The following CCSER1 variants were observed in gnomAD, a reference collection of about 807,000 sequenced individuals.
The protein encoded by CCSER1 is serine-rich coiled-coil domain-containing protein 1.
Under a neutral mutation model 82.0 loss-of-function variants are expected in CCSER1, and 41 were observed. The observed-to-expected ratio is 0.50, with a 90% CI of 0.39 to 0.65. The LOEUF is 0.65. CCSER1 is among the 30% of genes least tolerant of loss of function. CCSER1 has a pLI of 0.00. For synonymous variants in CCSER1, 414 were observed against 383.9 expected, an observed-to-expected ratio of 1.08 and a Z score of -0.92; for missense variants, 1,119 against 1,064.2, an observed-to-expected ratio of 1.05 and a Z score of -0.72.
At chr4:91,089,629 AATG>A (rs1489667355) in intron 10 of CCSER1, among the ~76,000 whole-genome samples, 19 of 152,332 alleles carry the variant, frequency 1.2e-4, no homozygotes, top group African/African-American at 4.3e-4. Context: ...GAACTAAGGT[AATG>A]ATGAAGCTTT....
At position 90,170,377 on chromosome 4, in the gene CCSER1, G is replaced by A. The variant is rs567906527; in HGVS notation, c.-42+42546G>A. On this transcript the variant is annotated intron_variant, in intron 1 of 10. Coordinates refer to ENST00000509176, the MANE Select transcript of CCSER1 (RefSeq NM_001145065.2). ...AACCTTGAAATATCTTTTAATTCTC[G>A]AACACTTTACCTACCTAACAGCTAA... 4.0e-4 allele frequency among the ~76,000 whole-genome samples: 60 copies of A among 149,098 alleles called. 1 individual carries two copies. Among genetic ancestry groups the A allele is most frequent in the African/African-American group, 4.4e-4 (18 of 40,674 alleles).
Position 90,933,018 on chromosome 4 carries a change from AAGAAAG to A in CCSER1, c.2172+9573_2172+9578del, listed in dbSNP as rs1554046168. Among the ~76,000 whole-genome samples the A allele has an allele frequency of 2.3e-5, 2 of 88,288 alleles. 1 individual carries two copies. Among genetic ancestry groups the A allele is most frequent in the Non-Finnish European group, 4.1e-5 (2 of 49,126 alleles). The allele number at this position is 88,288 out of a possible 152,430, so 57.9% of individuals were successfully genotyped here. On this transcript the variant is annotated intron_variant, in intron 9 of 10. Coordinates refer to ENST00000509176, the MANE Select transcript of CCSER1 (RefSeq NM_001145065.2). ...AAAGAAAGAAAGAAAGAAAGAAAGA[AAGAAAG>A]AAAGAAAGAAAGAAAGAAAGAGAAG...
intron 3 of CCSER1, among the ~76,000 whole-genome samples, chr4:90,356,240 A>G (rs1437211620): frequency 6.6e-6 from 1 of 151,838 alleles, no homozygotes. Flanking sequence ...ATAACGTCTA[A>G]TATTTTAAGT....
intron 5 of CCSER1, among the ~76,000 whole-genome samples, chr4:90,481,555 A>G (rs1370195469): frequency 1.3e-5 from 2 of 152,154 alleles, no homozygotes; most frequent in Non-Finnish European, 2.9e-5. Flanking sequence ...TCAATACTTA[A>G]TTTATTGAGA....
At chr4:90,743,975 C>T (rs569398322) in intron 7 of CCSER1, among the ~76,000 whole-genome samples, 1 of 152,274 alleles carries the variant, frequency 6.6e-6, no homozygotes, top group East Asian at 1.9e-4. Flanking sequence ...TCATTTCTCA[C>T]CATTTCTGCT....
intron 10 of CCSER1, among the ~76,000 whole-genome samples, chr4:91,536,864 T>C (rs1761324672): frequency 1.3e-5 from 2 of 152,098 alleles, no homozygotes; most frequent in Admixed American, 6.6e-5. Context: ...CTTAAAAATA[T>C]CTTGCTCTGA....
At chr4:91,301,314 AT>A (rs1478511522) in intron 10 of CCSER1, among the ~76,000 whole-genome samples, 2 of 151,734 alleles carry the variant, frequency 1.3e-5, no homozygotes, top group Non-Finnish European at 2.9e-5. Flanking sequence ...TTACTTCTGA[AT>A]TTATAATCAT....
chr4:91,364,396 A>C (rs893086705), intron 10 of CCSER1, among the ~76,000 whole-genome samples: 36 of 152,180 alleles, frequency 2.4e-4, no homozygotes, highest in Admixed American at 2.0e-3. Context: ...CTATTTAATT[A>C]CATCATAATT....
At position 90,706,104 on chromosome 4, in the gene CCSER1, C is replaced by T. The variant is rs576638611; in HGVS notation, c.1933-17810C>T. Among the ~76,000 whole-genome samples, 290 of 152,268 alleles carry T rather than the reference C, an allele frequency of 1.9e-3. 1 individual carries two copies. Among genetic ancestry groups the T allele is most frequent in the Non-Finnish European group, 3.2e-3 (220 of 68,012 alleles). On this transcript the variant is annotated intron_variant, in intron 6 of 10. Coordinates refer to ENST00000509176, the MANE Select transcript of CCSER1 (RefSeq NM_001145065.2). ...GTAGACTGGAGCTGTTCCTATTCAG[C>T]CATCTTGGAACCACTCCCTATGTCT...
At chr4:90,525,839 T>C (rs575017664) in intron 5 of CCSER1, among the ~76,000 whole-genome samples, 3 of 152,188 alleles carry the variant, frequency 2.0e-5, no homozygotes, top group Non-Finnish European at 4.4e-5. Flanking sequence ...GGGGTCTCAC[T>C]ATGTTGCCCT....
At chr4:90,484,928 C>T (rs577296615) in intron 5 of CCSER1, among the ~76,000 whole-genome samples, 73 of 152,324 alleles carry the variant, frequency 4.8e-4, no homozygotes, top group African/African-American at 1.5e-3. Context: ...TTTAAGTCTG[C>T]AGAGGTTATT....
chr4:90,916,288 G>A (rs145842194), intron 8 of CCSER1, among the ~76,000 whole-genome samples: 7,494 of 152,082 alleles, frequency 0.049, 359 homozygotes, highest in East Asian at 0.22. Context: ...AGTAACCAAA[G>A]CAGCATGGTA....
intron 10 of CCSER1, among the ~76,000 whole-genome samples, chr4:91,285,649 G>A (rs185443433): frequency 4.0e-5 from 6 of 151,812 alleles, no homozygotes; most frequent in South Asian, 2.1e-4. Flanking sequence ...TATGTACCAC[G>A]ATAAAATGGA....
intron 8 of CCSER1, among the ~76,000 whole-genome samples, chr4:90,864,205 C>G (rs1424224857): frequency 2.0e-5 from 3 of 151,766 alleles, no homozygotes. Context: ...CCTGAGTGCT[C>G]TATGCTTGCT....
intron 10 of CCSER1, among the ~76,000 whole-genome samples, chr4:91,185,187 T>A (rs1019869260): frequency 7.2e-5 from 11 of 152,196 alleles, no homozygotes; most frequent in Non-Finnish European, 1.3e-4. Flanking sequence ...ATAAGCTGCT[T>A]TGCCTTGTTT....
intron 10 of CCSER1, among the ~76,000 whole-genome samples, chr4:91,095,642 A>C (rs914505857): frequency 2.8e-4 from 42 of 152,324 alleles, no homozygotes; most frequent in African/African-American, 9.9e-4. Context: ...TATCCGGATC[A>C]AAAGGAGTGT....
At chr4:90,479,286 G>A (rs1489553187) in intron 5 of CCSER1, among the ~76,000 whole-genome samples, 1 of 151,976 alleles carries the variant, frequency 6.6e-6, no homozygotes, top group Non-Finnish European at 1.5e-5. Context: ...TTATGTGTAT[G>A]TTTTTCTCTC....
At chr4:90,311,052 A>G (rs1735201380) in intron 2 of CCSER1, among the ~76,000 whole-genome samples, 1 of 152,038 alleles carries the variant, frequency 6.6e-6, no homozygotes, top group African/African-American at 2.4e-5. Context: ...TATAATTAAT[A>G]TATGCCCAAA....
At chr4:90,706,678 C>G (rs1739418599) in intron 6 of CCSER1, among the ~76,000 whole-genome samples, 1 of 152,104 alleles carries the variant, frequency 6.6e-6, no homozygotes, top group African/African-American at 2.4e-5. Flanking sequence ...CGTTGATTAT[C>G]CCCCTAAAGT....
Sources: gnomAD v4.1 joint callset for allele counts (sites outside exome capture counted in the v4.1 genomes callset) on GRCh38, gnomAD v4.1.1 for gene constraint, MANE v1.5 for transcripts, NCBI Gene and HGNC (gene_info 2026-07-23, HGNC 2026-07-21) for gene names.